The following MYO1D variants were observed in gnomAD, a reference collection of about 807,000 sequenced individuals.
MYO1D encodes unconventional myosin-Id.
In MYO1D, 83 loss-of-function variants were observed where a neutral mutation model predicts 122.0. The ratio of observed to expected loss-of-function variants is 0.68; its 90% confidence interval spans 0.57 to 0.82. The LOEUF is 0.82. Among genes scored for constraint, MYO1D ranks in the 40% least tolerant of loss-of-function variants. MYO1D has a pLI of 0.00. For missense variants in MYO1D, 1,157 were observed against 1,269.5 expected, an observed-to-expected ratio of 0.91 and a Z score of 1.35; for synonymous variants, 464 against 446.9, an observed-to-expected ratio of 1.04 and a Z score of -0.48.
chr17:32,589,898 T>C (rs1447712562), intron 21 of MYO1D, among the ~76,000 whole-genome samples: 1 of 152,236 alleles, frequency 6.6e-6, no homozygotes, highest in African/African-American at 2.4e-5. Flanking sequence ...AACACCTGCC[T>C]TTGTAACTTC....
At chr17:32,526,226 TC>T (rs1910338105) in intron 21 of MYO1D, among the ~76,000 whole-genome samples, 1 of 152,214 alleles carries the variant, frequency 6.6e-6, no homozygotes, top group Admixed American at 6.5e-5. Context: ...CACTGTTTTA[TC>T]CCCACTTCTG....
chr17:32,540,557 T>C (rs1408002740), intron 21 of MYO1D, among the ~76,000 whole-genome samples: 1 of 152,022 alleles, frequency 6.6e-6, no homozygotes, highest in Non-Finnish European at 1.5e-5. Flanking sequence ...CTTTACACCT[T>C]TAGTTATCAG....
chr17:32,754,497 A>C (rs972616839), intron 11 of MYO1D, among the ~76,000 whole-genome samples: 1 of 152,242 alleles, frequency 6.6e-6, no homozygotes, highest in African/African-American at 2.4e-5. Flanking sequence ...GCCTAAAATA[A>C]ATGTCAGCTA....
At chr17:32,531,031 C>G (rs1462039784) in intron 21 of MYO1D, among the ~76,000 whole-genome samples, 1 of 152,096 alleles carries the variant, frequency 6.6e-6, no homozygotes, top group Non-Finnish European at 1.5e-5. Flanking sequence ...CTCACTGCAA[C>G]CCAGGGTGGT....
intron 21 of MYO1D, chr17:32,512,971 C>G (rs1194139648): frequency 6.6e-6 from 1 of 152,228 alleles, no homozygotes; most frequent in Non-Finnish European, 1.5e-5. Flanking sequence ...TTCTTGAAGA[C>G]AGAAAATAGA....
intron 1 of MYO1D, among the ~76,000 whole-genome samples, chr17:32,822,489 T>C (rs116300880): frequency 6.9e-6 from 1 of 145,214 alleles, no homozygotes; most frequent in African/African-American, 2.5e-5. Flanking sequence ...GGGGCGCGCG[T>C]CCCCGGTCGG....
chr17:32,712,276 C>T (rs1030083323), intron 15 of MYO1D, 81 bp from the exon 16 acceptor site: 2 of 1,311,274 alleles, frequency 1.5e-6, no homozygotes, highest in Non-Finnish European at 1.1e-6. Flanking sequence ...AAATGCAAGA[C>T]ACCTCATAGA....
At chr17:32,772,947 C>T (rs190516009) in intron 4 of MYO1D, 105 bp from the exon 5 acceptor site, 28 of 830,542 alleles carry the variant, frequency 3.4e-5, no homozygotes, top group Admixed American at 2.9e-4. Flanking sequence ...CAAGCCTGCA[C>T]GTATACATCC....
intron 21 of MYO1D, among the ~76,000 whole-genome samples, chr17:32,543,463 C>T (rs1246747207): frequency 6.6e-6 from 1 of 150,916 alleles, no homozygotes; most frequent in African/African-American, 2.4e-5. Context: ...GTAGTCCCAG[C>T]TTCTCGGGAG....
intron 14 of MYO1D, among the ~76,000 whole-genome samples, chr17:32,730,904 CTTTTTTTTTT>C (rs754771399): frequency 6.4e-5 from 7 of 108,786 alleles, no homozygotes; most frequent in Admixed American, 4.7e-4. Context: ...TTCCACGTGT[CTTTTTTTTTT>C]TTTTTTTTTT....
At chr17:32,814,199 C>T (rs1392784908) in intron 1 of MYO1D, among the ~76,000 whole-genome samples, 1 of 152,116 alleles carries the variant, frequency 6.6e-6, no homozygotes, top group African/African-American at 2.4e-5. Context: ...CAAAAAATAG[C>T]TGGGTGTGGT....
chr17:32,686,810 G>A (rs2089015740), intron 16 of MYO1D, among the ~76,000 whole-genome samples: 2 of 152,052 alleles, frequency 1.3e-5, no homozygotes, highest in African/African-American at 2.4e-5. Flanking sequence ...AGGCTGCAGT[G>A]AGCCATAATC....
At chr17:32,845,894 G>C (rs2151077671) in intron 1 of MYO1D, among the ~76,000 whole-genome samples, 1 of 151,994 alleles carries the variant, frequency 6.6e-6, no homozygotes, top group Non-Finnish European at 1.5e-5. Flanking sequence ...AATATTATTT[G>C]AGCATCTTAC....
At position 32,708,601 on chromosome 17, in the gene MYO1D, C is replaced by T. The variant is rs558532219; in HGVS notation, c.2121+3387G>A. Among the ~76,000 whole-genome samples, 11 of 152,156 alleles carry T rather than the reference C, an allele frequency of 7.2e-5. No individual in the cohort carries two copies. In the South Asian group the frequency reaches 1.7e-3, roughly 23 times the overall value. ...TGGTTAGGTGACTGATGACCCATTC[C>T]GAAAAGCCCAGAGAAATTTCCTCCA... On this transcript the variant is annotated intron_variant, in intron 16 of 21. Coordinates refer to ENST00000318217, the MANE Select transcript of MYO1D (RefSeq NM_015194.3).
In MYO1D at chr17:32,658,781, T is replaced by A. The variant is rs778004874; in HGVS notation, c.2345+334A>T. The A allele has an allele frequency of 2.3e-4, 68 of 291,480 alleles. 2 individuals carry two copies. Among genetic ancestry groups the A allele is most frequent in the South Asian group, 2.3e-3 (58 of 25,620 alleles). 18.1% of individuals were successfully genotyped at this position (291,480 alleles called of 1,614,324 possible). On this transcript the variant is annotated intron_variant, in intron 17 of 21. Transcript: ENST00000318217. ...ACTGCTTTGAAAGGATTAATGGATTTTCTAGTTTGAGTTATGCGTGGTGGT... is the reference window on the plus strand; with the variant it reads ...ACTGCTTTGAAAGGATTAATGGATTATCTAGTTTGAGTTATGCGTGGTGGT...
chr17:32,527,200 G>A (rs1337868406), intron 21 of MYO1D, among the ~76,000 whole-genome samples: 1 of 152,156 alleles, frequency 6.6e-6, no homozygotes, highest in Non-Finnish European at 1.5e-5. Context: ...CTTTAAAAAT[G>A]GCCACATGAA....
chr17:32,842,886 C>CTTT lies in MYO1D; in HGVS notation c.95+33889_95+33891dup, dbSNP rs34927176. On this transcript the variant is annotated intron_variant, in intron 1 of 21. Transcript: ENST00000318217. ...TCATTTGTTTTATTTCTATTTCTTT[C>CTTT]TTTTTTTTTTTTTTTTTTTTGAGAT... Among the ~76,000 whole-genome samples the CTTT allele has an allele frequency of 1.3e-3, 137 of 104,424 alleles. 2 individuals are homozygous for CTTT. The highest frequency in any genetic ancestry group is 1.8e-3 in the Non-Finnish European group (98 of 53,346). 68.5% of individuals were successfully genotyped at this position (104,424 alleles called of 152,430 possible).
intron 14 of MYO1D, among the ~76,000 whole-genome samples, chr17:32,728,442 G>GT (rs2089600841): frequency 6.6e-6 from 1 of 152,106 alleles, no homozygotes; most frequent in African/African-American, 2.4e-5. Context: ...TCCTGATCTT[G>GT]TGATCTGCCC....
At chr17:32,785,445 T>C (rs2090283706) in intron 1 of MYO1D, among the ~76,000 whole-genome samples, 1 of 152,236 alleles carries the variant, frequency 6.6e-6, no homozygotes, top group Non-Finnish European at 1.5e-5. Flanking sequence ...CCTGTCTTCC[T>C]TCCTTTTTGA....
Sources: gnomAD v4.1 joint callset for allele counts (sites outside exome capture counted in the v4.1 genomes callset) on GRCh38, gnomAD v4.1.1 for gene constraint, MANE v1.5 for transcripts, NCBI Gene and HGNC (gene_info 2026-07-23, HGNC 2026-07-21) for gene names.